The following ORC2 variants were observed in gnomAD, a reference collection of about 807,000 sequenced individuals.
ORC2 encodes origin recognition complex subunit 2.
Under a neutral mutation model 77.7 loss-of-function variants are expected in ORC2, and 37 were observed. The ratio of observed to expected loss-of-function variants is 0.48; its 90% CI spans 0.37 to 0.63. The LOEUF is 0.63. Ranked by LOEUF, ORC2 falls within the 20% of genes least tolerant of loss-of-function variation. The pLI is 0.00. For synonymous variants in ORC2, 201 were observed against 229.5 expected, an observed-to-expected ratio of 0.88 and a Z score of 1.12; for missense variants, 557 against 661.9, an observed-to-expected ratio of 0.84 and a Z score of 1.74.
chr2:200,925,889 G>T lies in ORC2; in HGVS notation c.1094C>A (p.Thr365Asn). 1 of 1,600,736 alleles carries T rather than the reference G, an allele frequency of 6.2e-7. No homozygotes were observed. The highest frequency in any genetic ancestry group is 1.7e-5 in the Admixed American group (1 of 59,826). ...TAGCTGATCCAGTATACTGCGGAAA[G>T]TACCCATATGATCGAGGACTTCTTC... ...ITEEVLDHMG[T>N]FRSILDQLDW... Residue 365 changes from threonine (T) to asparagine (N), a missense_variant, in exon 13 of 18, where the codon ACT (threonine) becomes AAT (asparagine). By Grantham distance (65) the Thr-to-Asn change is moderately conservative. Transcript: ENST00000234296.
rs2040593866 is a variant in ORC2, at chr2:200,913,942, G to C, written c.1517C>G (p.Pro506Arg). ...TAAATATTGGATACCAATGTAAGAA[G>C]GGTTATCCTGGTTGTCCAGCTGGTA... is the stretch of plus-strand genomic sequence containing the variant. ...IKYQLDNQDN[P>R]SYIGLSFQDF... The change falls in exon 16 of 18, where the codon CCT becomes CGT. Residue 506 changes from proline (P) to arginine (R), a missense_variant. Pro to Arg is a moderately radical substitution (Grantham distance 103, BLOSUM62 -2). Coordinates refer to ENST00000234296, the MANE Select transcript of ORC2 (RefSeq NM_006190.5). The C allele has an allele frequency of 6.3e-7, 1 of 1,589,046 alleles. No homozygotes were observed. The highest frequency in any genetic ancestry group is 1.4e-5 in the African/African-American group (1 of 72,728).
At chr2:200,927,320 G>A (rs927576823) in intron 11 of ORC2, among the ~76,000 whole-genome samples, 2 of 151,942 alleles carry the variant, frequency 1.3e-5, no homozygotes, top group African/African-American at 2.4e-5. Flanking sequence ...CTGGGCTCAA[G>A]TAATCCACCC....
In ORC2 at chr2:200,926,839, G is replaced by A. The variant is rs1473418155; in HGVS notation, c.979C>T (p.Arg327Ter). 2 of 1,613,594 alleles carry A rather than the reference G, an allele frequency of 1.2e-6. No individual in the cohort carries two copies. The highest frequency in any genetic ancestry group is 1.7e-6 in the Non-Finnish European group (2 of 1,179,696). ...GSKRDLLERFRTTMLQDSIHV... is the reference protein window; with the variant it reads ...GSKRDLLERF ...ATGGAATCTTGCAGCATAGTGGTTC[G>A]AAACCTTTCTAGTAAATCTCTCTTA... The change falls in exon 12 of 18, where the codon CGA becomes TGA. Residue 327 changes from arginine to a stop codon, truncating the protein, a stop_gained. Coordinates refer to ENST00000234296, the MANE Select transcript of ORC2 (RefSeq NM_006190.5). LOFTEE classifies it high-confidence loss of function.
chr2:200,954,231 G>A (rs1167375720), intron 4 of ORC2, among the ~76,000 whole-genome samples: 7 of 151,724 alleles, frequency 4.6e-5, no homozygotes, highest in Admixed American at 6.6e-5. Context: ...ACACGGTTTC[G>A]CCATGTTGGC....
intron 8 of ORC2, 123 bp from the exon 9 acceptor site, chr2:200,936,015 T>A: frequency 1.5e-6 from 1 of 670,248 alleles, no homozygotes; most frequent in Non-Finnish European, 2.4e-6. Flanking sequence ...CATTACCTGC[T>A]CATGATTTCA....
intron 8 of ORC2, among the ~76,000 whole-genome samples, chr2:200,936,467 G>T (rs1283879170): frequency 6.6e-6 from 1 of 152,164 alleles, no homozygotes; most frequent in African/African-American, 2.4e-5. Flanking sequence ...GCAATATGAA[G>T]TATCAAACCT....
intron 6 of ORC2, 66 bp downstream of exon 6, chr2:200,942,619 A>G: frequency 1.3e-6 from 1 of 767,536 alleles, no homozygotes; most frequent in Middle Eastern, 2.7e-4. Flanking sequence ...ACAAGGAAAA[A>G]AGTAACATGC....
chr2:200,920,187 A>G, intron 15 of ORC2, 35 bp downstream of exon 15: 1 of 1,549,456 alleles, frequency 6.5e-7, no homozygotes, highest in Non-Finnish European at 8.8e-7. Context: ...TAAAATGTAT[A>G]GTTTTTAAAA....
intron 11 of ORC2, 97 bp from the exon 12 acceptor site, chr2:200,926,997 T>C (rs2040847944): frequency 7.6e-7 from 1 of 1,309,676 alleles, no homozygotes. Flanking sequence ...TTATAAAAAA[T>C]ACAGGAAAGG....
At chr2:200,954,629 T>C (rs2041430940) in intron 4 of ORC2, among the ~76,000 whole-genome samples, 1 of 152,008 alleles carries the variant, frequency 6.6e-6, no homozygotes, top group African/African-American at 2.4e-5. Flanking sequence ...CCCAATTGGG[T>C]AAAACTGGAT....
At chr2:200,954,859 A>T (rs967521165) in intron 4 of ORC2, among the ~76,000 whole-genome samples, 2 of 151,968 alleles carry the variant, frequency 1.3e-5, no homozygotes, top group African/African-American at 4.8e-5. Context: ...ATGCCAAAAA[A>T]TAAGGCAAAG....
At chr2:200,948,066 G>A (rs1192875339) in intron 5 of ORC2, among the ~76,000 whole-genome samples, 3 of 148,238 alleles carry the variant, frequency 2.0e-5, no homozygotes, top group African/African-American at 7.8e-5. Context: ...CCGCCACCAC[G>A]CCTGGCTAAT....
chr2:200,917,142 G>GCACCAC (rs1314850871), intron 15 of ORC2, among the ~76,000 whole-genome samples: 1 of 151,686 alleles, frequency 6.6e-6, no homozygotes, highest in Non-Finnish European at 1.5e-5. Flanking sequence ...TTACAGGCAT[G>GCACCAC]CACCACCATG....
intron 14 of ORC2, among the ~76,000 whole-genome samples, chr2:200,920,691 A>C (rs2040740501): frequency 1.3e-5 from 2 of 152,222 alleles, no homozygotes; most frequent in Non-Finnish European, 2.9e-5. Context: ...AAAGTCTATA[A>C]ATTAAGTTCA....
chr2:200,932,912 A>G (rs2040968254), intron 10 of ORC2, among the ~76,000 whole-genome samples: 1 of 152,204 alleles, frequency 6.6e-6, no homozygotes, highest in African/African-American at 2.4e-5. Flanking sequence ...TTATTGTCAC[A>G]TGCTACTGAA....
intron 12 of ORC2, 143 bp downstream of exon 12, chr2:200,926,625 C>T: frequency 1.5e-6 from 1 of 683,930 alleles, no homozygotes; most frequent in Non-Finnish European, 2.4e-6. Flanking sequence ...TTCTTGAGTC[C>T]AAACACATGG....
rs544930272 is a variant in ORC2 at position 200,910,181 on chromosome 2, C to T, written c.*1120G>A. On this transcript the variant is annotated 3_prime_UTR_variant, in exon 18 of 18. Coordinates refer to ENST00000234296, the MANE Select transcript of ORC2 (RefSeq NM_006190.5). ...ATGAGTGAGAAATGCTGACGTAGTA[C>T]GTATTTTATTGCAGTGATATTTTCA... 18 of 152,228 alleles carry T rather than the reference C, an allele frequency of 1.2e-4. No homozygotes were observed. Among genetic ancestry groups the T allele is most frequent in the South Asian group, 4.2e-4 (2 of 4,814 alleles). 9.4% of individuals were successfully genotyped at this position (152,228 alleles called of 1,614,324 possible).
intron 12 of ORC2, 120 bp downstream of exon 12, chr2:200,926,648 T>C (rs942517683): frequency 3.9e-5 from 35 of 893,770 alleles, no homozygotes; most frequent in Non-Finnish European, 5.5e-5. Flanking sequence ...TTAAGCACTA[T>C]ACAATCCTAC....
chr2:200,924,028 C>A (rs562407865), intron 13 of ORC2, among the ~76,000 whole-genome samples: 1 of 152,242 alleles, frequency 6.6e-6, no homozygotes, highest in South Asian at 2.1e-4. Flanking sequence ...ATCAACTCTA[C>A]CTGTTTTCAA....
Sources: allele counts gnomAD v4.1 joint callset (sites outside exome capture counted in the v4.1 genomes callset), GRCh38; gene constraint gnomAD v4.1.1; transcripts MANE v1.5; gene names NCBI Gene and HGNC (gene_info 2026-07-23, HGNC 2026-07-21).